The following SIMC1 variants were observed in gnomAD, a reference collection of about 807,000 sequenced individuals.
The protein encoded by SIMC1 is SUMO interacting motifs containing 1, also known as SUMO-interacting motif-containing protein 1.
Under a neutral mutation model 82.3 loss-of-function variants are expected in SIMC1, and 55 were observed. The observed-to-expected ratio is 0.67, with a 90% CI of 0.54 to 0.84. SIMC1 has a LOEUF of 0.84. Among genes scored for constraint, SIMC1 ranks in the 40% least tolerant of loss-of-function variants. The pLI is 0.00. For missense variants in SIMC1, 915 were observed against 1,107.2 expected, an observed-to-expected ratio of 0.83 and a Z score of 2.46; for synonymous variants, 353 against 426.3, an observed-to-expected ratio of 0.83 and a Z score of 2.12.
chr5:176,307,586 G>A (rs6860403), intron 4 of SIMC1, among the ~76,000 whole-genome samples: 2 of 151,982 alleles, frequency 1.3e-5, no homozygotes, highest in Admixed American at 6.6e-5. Flanking sequence ...ATTTTTAGTA[G>A]AGACGGGGTT....
At chr5:176,321,189 TTAAAAGGTATCATGC>T (rs1342788374) in intron 5 of SIMC1, among the ~76,000 whole-genome samples, 1 of 152,248 alleles carries the variant, frequency 6.6e-6, no homozygotes, top group African/African-American at 2.4e-5. Flanking sequence ...TAGCTCTATA[TTAAAAGGTATCATGC>T]TATATGTAAT....
chr5:176,267,105 C>CTCACATTTT (rs1281155896), intron 1 of SIMC1, among the ~76,000 whole-genome samples: 1 of 36,280 alleles, frequency 2.8e-5, no homozygotes, highest in Non-Finnish European at 5.6e-5. Flanking sequence ...CTGGAATTTT[C>CTCACATTTT]TCACATTTTG....
chr5:176,308,260 T>C, intron 4 of SIMC1: 1 of 1,536,812 alleles, frequency 6.5e-7, no homozygotes, highest in Non-Finnish European at 9.0e-7. Flanking sequence ...CTGAAAAGGT[T>C]GATGCCATCA....
intron 1 of SIMC1, among the ~76,000 whole-genome samples, chr5:176,257,173 A>G (rs940934525): frequency 5.3e-5 from 8 of 152,194 alleles, no homozygotes; most frequent in African/African-American, 1.7e-4. Context: ...TTATAGTTTG[A>G]TATATCTTTC....
At chr5:176,281,943 C>A (rs1210781559) in intron 1 of SIMC1, among the ~76,000 whole-genome samples, 1 of 152,208 alleles carries the variant, frequency 6.6e-6, no homozygotes, top group Non-Finnish European at 1.5e-5. Flanking sequence ...GCTGGGAGAA[C>A]CACTGCTCTC....
At chr5:176,284,266 T>C (rs1028209202) in intron 1 of SIMC1, among the ~76,000 whole-genome samples, 10 of 152,174 alleles carry the variant, frequency 6.6e-5, no homozygotes, top group Non-Finnish European at 1.5e-5. Context: ...ACTGACCACA[T>C]AGTTGGAAGT....
chr5:176,302,810 A>G (rs1764099606), intron 4 of SIMC1, among the ~76,000 whole-genome samples: 1 of 152,218 alleles, frequency 6.6e-6, no homozygotes, highest in Non-Finnish European at 1.5e-5. Flanking sequence ...TTACAATATC[A>G]TCAAAAAGAA....
At chr5:176,284,993 C>A (rs4868629) in intron 1 of SIMC1, among the ~76,000 whole-genome samples, 2 of 151,954 alleles carry the variant, frequency 1.3e-5, no homozygotes, top group African/African-American at 4.8e-5. Context: ...CAGGACCAGA[C>A]GGATTCACAG....
intron 5 of SIMC1, among the ~76,000 whole-genome samples, chr5:176,317,843 C>T (rs1033534054): frequency 3.3e-5 from 5 of 152,110 alleles, no homozygotes; most frequent in Non-Finnish European, 7.3e-5. Flanking sequence ...TGTCTAGGTT[C>T]TTGGCATCTT....
At chr5:176,250,081 C>G (rs1561670288) in intron 1 of SIMC1, among the ~76,000 whole-genome samples, 1 of 152,182 alleles carries the variant, frequency 6.6e-6, no homozygotes. Context: ...CCTCTAAACA[C>G]TGCTTTAGCT....
intron 4 of SIMC1, chr5:176,308,099 C>T: frequency 1.3e-6 from 1 of 786,364 alleles, no homozygotes; most frequent in African/African-American, 1.7e-5. Context: ...GCAGGCAGTT[C>T]ATCTAGAGTC....
intron 3 of SIMC1, among the ~76,000 whole-genome samples, chr5:176,295,788 T>C (rs1763787909): frequency 6.6e-6 from 1 of 152,228 alleles, no homozygotes; most frequent in Non-Finnish European, 1.5e-5. Context: ...CTCAGGCTTT[T>C]ATGACACTTC....
At chr5:176,312,919 C>CACTG (rs1490243478) in intron 4 of SIMC1, among the ~76,000 whole-genome samples, 1 of 152,178 alleles carries the variant, frequency 6.6e-6, no homozygotes, top group African/African-American at 2.4e-5. Context: ...AGGTACTTAA[C>CACTG]ACTGTCTTTG....
intron 4 of SIMC1, among the ~76,000 whole-genome samples, chr5:176,310,366 G>T (rs1764614483): frequency 6.6e-6 from 1 of 152,158 alleles, no homozygotes; most frequent in Admixed American, 6.5e-5. Context: ...AATATTCATA[G>T]GAGCTTTATT....
chr5:176,294,114 C>T (rs1288925476), intron 2 of SIMC1, among the ~76,000 whole-genome samples: 2 of 152,160 alleles, frequency 1.3e-5, no homozygotes, highest in East Asian at 1.9e-4. Flanking sequence ...TCTCTAGTTA[C>T]CCTCACCCCA....
intron 1 of SIMC1, among the ~76,000 whole-genome samples, chr5:176,285,839 C>T (rs536187116): frequency 1.3e-5 from 2 of 151,484 alleles, no homozygotes; most frequent in Admixed American, 1.3e-4. Flanking sequence ...TTCTTATGCA[C>T]CAATAACAGA....
chr5:176,334,215 G>A (rs1765790463), intron 7 of SIMC1, among the ~76,000 whole-genome samples: 1 of 151,998 alleles, frequency 6.6e-6, no homozygotes, highest in African/African-American at 2.4e-5. Context: ...TTTTTATTGT[G>A]TTCTGGACAT....
At chr5:176,294,200 T>C (rs1763704372) in intron 2 of SIMC1, among the ~76,000 whole-genome samples, 1 of 152,206 alleles carries the variant, frequency 6.6e-6, no homozygotes, top group African/African-American at 2.4e-5. Context: ...TGAAATCATG[T>C]TATATGTACA....
intron 4 of SIMC1, among the ~76,000 whole-genome samples, chr5:176,299,913 A>G (rs1403401164): frequency 1.3e-5 from 2 of 152,224 alleles, no homozygotes; most frequent in African/African-American, 4.8e-5. Flanking sequence ...AAAAACATCA[A>G]TATTATACTA....
Sources: allele counts gnomAD v4.1 joint callset (sites outside exome capture counted in the v4.1 genomes callset), GRCh38; gene constraint gnomAD v4.1.1; transcripts MANE v1.5; gene names NCBI Gene and HGNC (gene_info 2026-07-23, HGNC 2026-07-21).